GNAZ: variants seen among roughly 807,000 people sequenced by gnomAD.
GNAZ encodes G protein subunit alpha z.
Under a neutral mutation model 25.4 loss-of-function variants are expected in GNAZ, and 3 were observed. The observed-to-expected ratio is 0.12, with a 90% confidence interval of 0.05 to 0.30. GNAZ has a LOEUF of 0.30. Ranked by LOEUF, GNAZ falls within the 10% of genes least tolerant of loss-of-function variation. The pLI, the probability that GNAZ is intolerant of heterozygous loss-of-function variation, is 1.00. For missense variants in GNAZ, 241 were observed against 501.8 expected, an observed-to-expected ratio of 0.48 and a Z score of 4.97; for synonymous variants, 211 against 205.7, an observed-to-expected ratio of 1.03 and a Z score of -0.22.
chr22:23,122,578 A>G (rs556355926), intron 2 of GNAZ: 3 of 159,478 alleles, frequency 1.9e-5, no homozygotes, highest in African/African-American at 7.2e-5. Context: ...ATGGTACCAC[A>G]TGGAAGGATC....
intron 1 of GNAZ, among the ~76,000 whole-genome samples, chr22:23,076,210 T>A (rs949809645): frequency 6.6e-6 from 1 of 152,182 alleles, no homozygotes; most frequent in Non-Finnish European, 1.5e-5. Flanking sequence ...CTGCTGCTAT[T>A]TTTTTCCCCT....
rs1446528057 is a variant in GNAZ, at chr22:23,092,883, C to T, written c.-449-2364C>T. On this transcript the variant is annotated intron_variant, in intron 1 of 2. Coordinates refer to ENST00000615612, the MANE Select transcript of GNAZ (RefSeq NM_002073.4). ...GAATTGAGAAGAACAGTCATGACAA[C>T]AGAGGACACCTCCCACTGGGTTGGA... Among the ~76,000 whole-genome samples the T allele has an allele frequency of 2.0e-5, 3 of 152,358 alleles. No individual in the cohort carries two copies. The East Asian group carries it at 5.8e-4, about 29-fold the overall frequency.
At position 23,095,499 on chromosome 22, in the gene GNAZ, G is replaced by A. The variant is rs376853853; in HGVS notation, c.-197G>A. The A allele has an allele frequency of 1.9e-4, 120 of 620,474 alleles. 2 individuals carry two copies. Among genetic ancestry groups the A allele is most frequent in the African/African-American group, 9.6e-4 (52 of 54,378 alleles). The allele number at this position is 620,474 out of a possible 1,614,324, so 38.4% of individuals were successfully genotyped here. On this transcript the variant is annotated 5_prime_UTR_variant, in exon 2 of 3. Transcript: ENST00000615612. ...TAGTGGGGAGGGGCGGCCACCGCCCGCTGCACAGAGCGCCATGCCGGCTGG... is the reference window on the plus strand; with the variant it reads ...TAGTGGGGAGGGGCGGCCACCGCCCACTGCACAGAGCGCCATGCCGGCTGG...
In GNAZ at chr22:23,105,126, C is replaced by G. The variant is rs78901623; in HGVS notation, c.723+8708C>G. Among the ~76,000 whole-genome samples, 558 of 152,300 alleles carry G rather than the reference C, an allele frequency of 3.7e-3. 3 individuals are homozygous for G. Among genetic ancestry groups the G allele is most frequent in the African/African-American group, 0.013 (534 of 41,550 alleles). ...CCAGAGTCGACTGGGGGCCCTGGGC[C>G]TTGTATCCTAAGGTTCCCAGCCCAG... On this transcript the variant is annotated intron_variant, in intron 2 of 2. Transcript: ENST00000615612.
At chr22:23,078,103 G>C (rs2068555958) in intron 1 of GNAZ, among the ~76,000 whole-genome samples, 1 of 152,222 alleles carries the variant, frequency 6.6e-6, no homozygotes, top group Non-Finnish European at 1.5e-5. Flanking sequence ...CTGCTGGTGA[G>C]GGCGGGTGCG....
chr22:23,112,453 G>T (rs1484620833), intron 2 of GNAZ, among the ~76,000 whole-genome samples: 1 of 152,208 alleles, frequency 6.6e-6, no homozygotes, highest in African/African-American at 2.4e-5. Flanking sequence ...GAGCATGCCA[G>T]GGTGCAGCCA....
rs982350300 is a variant in GNAZ, at chr22:23,071,601, T to G, written c.-450+1031T>G. On this transcript the variant is annotated intron_variant, in intron 1 of 2. Coordinates refer to ENST00000615612, the MANE Select transcript of GNAZ (RefSeq NM_002073.4). The surrounding 1 kb of genome is among the most constrained non-coding windows in gnomAD (Gnocchi z 4.1). Reference sequence around the variant, plus strand: ...TGGTCACTCCCCCAGAGCTTGACGCTGGGGTGCACCGGGTGGGAGTGGACT... The same window carrying G: ...TGGTCACTCCCCCAGAGCTTGACGCGGGGGTGCACCGGGTGGGAGTGGACT... Among the ~76,000 whole-genome samples, 8 of 152,164 alleles carry G rather than the reference T, an allele frequency of 5.3e-5. No homozygotes were observed. The highest frequency in any genetic ancestry group is 1.9e-4 in the African/African-American group (8 of 41,436).
intron 1 of GNAZ, among the ~76,000 whole-genome samples, chr22:23,080,424 C>T (rs889175746): frequency 6.6e-6 from 1 of 152,200 alleles, no homozygotes. Context: ...GAGGCCCAGC[C>T]GGGGCATAGC....
At position 23,071,301 on chromosome 22, in the gene GNAZ, T is replaced by G. The variant is rs1299075306; in HGVS notation, c.-450+731T>G. On this transcript the variant is annotated intron_variant, in intron 1 of 2. Coordinates refer to ENST00000615612, the MANE Select transcript of GNAZ (RefSeq NM_002073.4). The surrounding 1 kb of genome is among the most constrained non-coding windows in gnomAD (Gnocchi z 4.1). The stretch of plus-strand genomic sequence containing the variant: ...GGGGGCTCTGCCTTTAGGGCGGTGC[T>G]GAGCCTTCCTGGGTGATGATGGCAG... Among the ~76,000 whole-genome samples, 1 of 152,172 alleles carries G rather than the reference T, an allele frequency of 6.6e-6. No individual in the cohort carries two copies. The highest frequency in any genetic ancestry group is 1.5e-5 in the Non-Finnish European group (1 of 68,014).
intron 2 of GNAZ, among the ~76,000 whole-genome samples, chr22:23,104,370 G>C (rs891603782): frequency 6.6e-6 from 1 of 152,146 alleles, no homozygotes; most frequent in Non-Finnish European, 1.5e-5. Context: ...TACACCTCCT[G>C]CTCTGCCTCG....
chr22:23,091,156 AC>A, intron 1 of GNAZ, among the ~76,000 whole-genome samples: 1 of 152,282 alleles, frequency 6.6e-6, no homozygotes, highest in South Asian at 2.1e-4. Context: ...GTGCATGCAC[AC>A]CCAAAGATGT....
intron 2 of GNAZ, among the ~76,000 whole-genome samples, chr22:23,097,226 C>T (rs949866367): frequency 3.3e-5 from 5 of 152,234 alleles, no homozygotes; most frequent in Non-Finnish European, 7.4e-5. Flanking sequence ...TACCCTGGGG[C>T]TAGGGGAGGG....
intron 1 of GNAZ, among the ~76,000 whole-genome samples, chr22:23,094,572 G>GC (rs894329219): frequency 9.8e-5 from 15 of 152,300 alleles, no homozygotes; most frequent in East Asian, 7.7e-4. Flanking sequence ...CTCAGCCCAA[G>GC]CCCCCCTCTA....
intron 1 of GNAZ, among the ~76,000 whole-genome samples, chr22:23,084,092 G>A (rs1165220946): frequency 6.6e-6 from 1 of 152,160 alleles, no homozygotes; most frequent in Non-Finnish European, 1.5e-5. Context: ...TTCCTGGGAG[G>A]GTAGCTTGTC....
rs550307533 is a variant in GNAZ at position 23,123,671 on chromosome 22, T to C, written c.*240T>C. ...CACATCTGGAGATGGCAAAATCCTC[T>C]AAAATGTCGAGGTCTCTTGAAGACT... On this transcript the variant is annotated 3_prime_UTR_variant, in exon 3 of 3. Transcript: ENST00000615612. 1.0e-4 allele frequency: 57 copies of C among 543,646 alleles called. No homozygotes were observed. The South Asian group carries it at 1.3e-3, about 12-fold the overall frequency. The allele number at this position is 543,646 out of a possible 1,614,324, so 33.7% of individuals were successfully genotyped here. A position where few individuals can be genotyped will look rare whatever the true frequency, so the allele number is the denominator to read the frequency against.
chr22:23,078,434 C>T (rs1357004790), intron 1 of GNAZ, among the ~76,000 whole-genome samples: 3 of 152,176 alleles, frequency 2.0e-5, no homozygotes, highest in Admixed American at 6.5e-5. Context: ...CTGCCCTTGT[C>T]CCCCCAACAC....
chr22:23,091,151 T>G (rs2068960160), intron 1 of GNAZ, among the ~76,000 whole-genome samples: 1 of 152,190 alleles, frequency 6.6e-6, no homozygotes, highest in Non-Finnish European at 1.5e-5. Context: ...GACCTGTGCA[T>G]GCACACCCAA....
chr22:23,096,951 G>A (rs897308668), intron 2 of GNAZ, among the ~76,000 whole-genome samples: 5 of 152,250 alleles, frequency 3.3e-5, no homozygotes, highest in Non-Finnish European at 5.9e-5. Flanking sequence ...AGCGGTGGGG[G>A]CTTGAGAGTG....
At position 23,077,137 on chromosome 22, in the gene GNAZ, T is replaced by C. The variant is rs942618181; in HGVS notation, c.-450+6567T>C. 5.3e-5 allele frequency among the ~76,000 whole-genome samples: 8 copies of C among 152,174 alleles called. No individual in the cohort carries two copies. The South Asian group carries it at 1.7e-3, about 32-fold the overall frequency. On this transcript the variant is annotated intron_variant, in intron 1 of 2. Transcript: ENST00000615612. ...ACGGGAGGCAGGATTTAGATGAGCT[T>C]GCCAGTGACTGGTGAACCTCACCAC... is the stretch of plus-strand genomic sequence containing the variant.
Sources: gnomAD v4.1 joint callset for allele counts (sites outside exome capture counted in the v4.1 genomes callset) on GRCh38, gnomAD v4.1.1 for gene constraint, Gnocchi (gnomAD v3.1) non-coding constraint, MANE v1.5 for transcripts, NCBI Gene and HGNC (gene_info 2026-07-23, HGNC 2026-07-21) for gene names.